Variants in FAM135B observed in about 807,000 individuals in gnomAD.
FAM135B encodes the protein family with sequence similarity 135 member B, also known as protein FAM135B.
FAM135B carries 43 observed loss-of-function variants against 127.7 expected under a neutral mutation model. The ratio of observed to expected loss-of-function variants is 0.34; its 90% CI spans 0.26 to 0.43. The LOEUF is 0.43. Ranked by LOEUF, FAM135B falls within the 20% of genes least tolerant of loss-of-function variation. The pLI is 1.00. For missense variants in FAM135B, 1,558 were observed against 1,725.6 expected, an observed-to-expected ratio of 0.90 and a Z score of 1.72; for synonymous variants, 670 against 665.1, an observed-to-expected ratio of 1.01 and a Z score of -0.11.
rs55837421 is a variant in FAM135B, at chr8:138,242,165, TTGTGTGTGTGTGTGTGTGTGTGTGTGTG to T, written c.669+749_669+776del. Among the ~76,000 whole-genome samples the T allele has an allele frequency of 2.3e-5, 3 of 129,994 alleles. No individual in the cohort carries two copies. The highest frequency in any genetic ancestry group is 2.8e-4 in the South Asian group (1 of 3,566). 85.3% of individuals were successfully genotyped at this position (129,994 alleles called of 152,430 possible). On this transcript the variant is annotated intron_variant, in intron 7 of 19. Transcript: ENST00000395297. The surrounding 1 kb of genome is among the most constrained non-coding windows in gnomAD (Gnocchi z 9.6). ...AGTCAATTACTTATGATAAATCTCT[TTGTGTGTGTGTGTGTGTGTGTGTGTGTG>T]TGTGTGTGTGTGTGTGTGTGTGTGT...
intron 11 of FAM135B, among the ~76,000 whole-genome samples, chr8:138,169,506 C>T (rs1480060430): frequency 3.3e-5 from 5 of 152,006 alleles, no homozygotes; most frequent in Non-Finnish European, 5.9e-5. Flanking sequence ...ATGTTCTTCT[C>T]GGAATATTTA....
intron 7 of FAM135B, among the ~76,000 whole-genome samples, chr8:138,218,253 T>C (rs1307560159): frequency 6.6e-6 from 1 of 152,220 alleles, no homozygotes; most frequent in East Asian, 1.9e-4. Context: ...ATTAAAGCTC[T>C]ACTAAAAATA....
intron 1 of FAM135B, among the ~76,000 whole-genome samples, chr8:138,383,665 T>C (rs1832006960): frequency 6.6e-6 from 1 of 152,226 alleles, no homozygotes; most frequent in African/African-American, 2.4e-5. Context: ...GTTTTTTGTG[T>C]GTGAGCGGCA....
intron 3 of FAM135B, among the ~76,000 whole-genome samples, chr8:138,283,323 A>G (rs1163219502): frequency 6.6e-6 from 1 of 152,214 alleles, no homozygotes; most frequent in Non-Finnish European, 1.5e-5. Flanking sequence ...GAAAAAATGT[A>G]AATACTTATT....
At chr8:138,211,674 T>A (rs965975585) in intron 7 of FAM135B, among the ~76,000 whole-genome samples, 1 of 152,236 alleles carries the variant, frequency 6.6e-6, no homozygotes, top group Non-Finnish European at 1.5e-5. Context: ...GTTTGTTATC[T>A]GCTAGTACAC....
chr8:138,210,352 T>G (rs1008421684), intron 7 of FAM135B, among the ~76,000 whole-genome samples: 9 of 152,194 alleles, frequency 5.9e-5, no homozygotes, highest in Admixed American at 3.9e-4. Context: ...AATTTGGTCT[T>G]TGTCTCTCCC....
intron 1 of FAM135B, among the ~76,000 whole-genome samples, chr8:138,414,394 C>A (rs1175331651): frequency 6.6e-6 from 1 of 151,984 alleles, no homozygotes; most frequent in African/African-American, 2.4e-5. Flanking sequence ...GAGATGTTTT[C>A]TTCTAGTACA....
At chr8:138,299,104 T>TAAATAAATA (rs1485814350) in intron 3 of FAM135B, among the ~76,000 whole-genome samples, 59 of 143,726 alleles carry the variant, frequency 4.1e-4, no homozygotes, top group Admixed American at 2.1e-3. Flanking sequence ...AATAAATAAA[T>TAAATAAATA]AAATAAAATA....
At chr8:138,252,839 T>A (rs1311686377) in intron 5 of FAM135B, among the ~76,000 whole-genome samples, 2 of 152,316 alleles carry the variant, frequency 1.3e-5, no homozygotes, top group East Asian at 3.9e-4. Context: ...TCACCCAGGC[T>A]GCCAGGCTGG....
intron 1 of FAM135B, among the ~76,000 whole-genome samples, chr8:138,408,637 A>G (rs1485793659): frequency 6.6e-6 from 1 of 152,174 alleles, no homozygotes; most frequent in African/African-American, 2.4e-5. Context: ...GGGGGGCCTT[A>G]GGAAACTTAC....
intron 1 of FAM135B, among the ~76,000 whole-genome samples, chr8:138,408,177 G>A (rs938878613): frequency 6.6e-6 from 1 of 152,184 alleles, no homozygotes; most frequent in Non-Finnish European, 1.5e-5. Flanking sequence ...AAGCTTTGAA[G>A]CCAGGCAATG....
chr8:138,488,259 T>C (rs929058673), intron 1 of FAM135B, among the ~76,000 whole-genome samples: 2 of 152,210 alleles, frequency 1.3e-5, no homozygotes, highest in Non-Finnish European at 2.9e-5. Context: ...AAACATTTAT[T>C]GCACGCTAAA....
chr8:138,491,142 C>CAAAA (rs796189435), intron 1 of FAM135B, among the ~76,000 whole-genome samples: 14 of 73,260 alleles, frequency 1.9e-4, no homozygotes, highest in Non-Finnish European at 2.4e-4. Flanking sequence ...AACTCTCTCT[C>CAAAA]AAAAAAAAAA....
At position 138,352,914 on chromosome 8, in the gene FAM135B, C is replaced by T. The variant is rs367778667; in HGVS notation, c.77+14993G>A. On this transcript the variant is annotated intron_variant, in intron 2 of 19. Coordinates refer to ENST00000395297, the MANE Select transcript of FAM135B (RefSeq NM_015912.4). ...AGGAACTTTGTCACACTGCTCAGTA[C>T]ATGTCTCCTTCATCAATAGCCAGCT... Among the ~76,000 whole-genome samples the T allele has an allele frequency of 2.3e-4, 35 of 152,298 alleles. 1 individual carries two copies. Among genetic ancestry groups the T allele is most frequent in the East Asian group, 1.2e-3 (6 of 5,176 alleles).
intron 1 of FAM135B, among the ~76,000 whole-genome samples, chr8:138,451,666 G>C (rs556306522): frequency 6.6e-6 from 1 of 152,212 alleles, no homozygotes; most frequent in Non-Finnish European, 1.5e-5. Flanking sequence ...AGTTTGCTAT[G>C]AGCATGTTTA....
chr8:138,158,316 A>G (rs888052154), intron 12 of FAM135B, among the ~76,000 whole-genome samples: 1 of 152,240 alleles, frequency 6.6e-6, no homozygotes, highest in Non-Finnish European at 1.5e-5. Context: ...TGGATTAAAG[A>G]CTTAAATGTT....
intron 7 of FAM135B, among the ~76,000 whole-genome samples, chr8:138,237,756 C>T (rs1187951358): frequency 6.6e-6 from 1 of 152,186 alleles, no homozygotes; most frequent in Non-Finnish European, 1.5e-5. Context: ...CTGCATTCAA[C>T]TTGGATGGCA....
intron 9 of FAM135B, among the ~76,000 whole-genome samples, chr8:138,179,679 C>T (rs550045429): frequency 5.9e-5 from 9 of 152,316 alleles, no homozygotes; most frequent in African/African-American, 2.2e-4. Flanking sequence ...ATCCTCCTCA[C>T]ACTACTCCAC....
At chr8:138,235,294 A>G (rs1337263857) in intron 7 of FAM135B, among the ~76,000 whole-genome samples, 5 of 150,078 alleles carry the variant, frequency 3.3e-5, no homozygotes, top group African/African-American at 1.0e-4. Context: ...TGGGATGAAG[A>G]CTTGTCATTT....
Sources: allele counts gnomAD v4.1 joint callset (sites outside exome capture counted in the v4.1 genomes callset), GRCh38; gene constraint gnomAD v4.1.1; non-coding constraint Gnocchi (gnomAD v3.1); transcripts MANE v1.5; gene names NCBI Gene and HGNC (gene_info 2026-07-23, HGNC 2026-07-21).